Variants in CADPS2 observed in about 807,000 individuals in gnomAD.
CADPS2 encodes calcium-dependent secretion activator 2.
Under a neutral mutation model 172.5 loss-of-function variants are expected in CADPS2, and 93 were observed. That is an observed-to-expected ratio of 0.54 (90% CI 0.46 to 0.64). CADPS2 has a LOEUF of 0.64. Ranked by LOEUF, CADPS2 falls within the 30% of genes least tolerant of loss-of-function variation. The probability of loss-of-function intolerance (pLI) is 0.00; values close to 1 mark genes in which losing one functional copy is unlikely to be tolerated. For synonymous variants in CADPS2, 546 were observed against 555.2 expected, an observed-to-expected ratio of 0.98 and a Z score of 0.23; for missense variants, 1,420 against 1,565.9, an observed-to-expected ratio of 0.91 and a Z score of 1.57.
chr7:122,624,820 C>A (rs950616786), intron 4 of CADPS2, among the ~76,000 whole-genome samples: 2 of 152,150 alleles, frequency 1.3e-5, no homozygotes, highest in African/African-American at 4.8e-5. Context: ...CTGCTCCAAG[C>A]CCCTGGATAG....
chr7:122,673,806 T>C (rs1219097258), intron 2 of CADPS2, among the ~76,000 whole-genome samples: 1 of 151,496 alleles, frequency 6.6e-6, no homozygotes, highest in Non-Finnish European at 1.5e-5. Context: ...TCCCGCACCG[T>C]GCACTGGCAC....
chr7:122,546,919 T>C (rs180754902), intron 8 of CADPS2, among the ~76,000 whole-genome samples: 3 of 151,746 alleles, frequency 2.0e-5, no homozygotes, highest in Admixed American at 6.6e-5. Context: ...TATCTAAATG[T>C]GAAAAAAAAG....
intron 3 of CADPS2, among the ~76,000 whole-genome samples, chr7:122,635,373 C>T (rs922693738): frequency 6.6e-6 from 1 of 151,686 alleles, no homozygotes; most frequent in Non-Finnish European, 1.5e-5. Context: ...TGGTGTGCTG[C>T]ACCCATTAAC....
Position 122,453,293 on chromosome 7 carries a change from C to T in CADPS2, c.2187-1818G>A, listed in dbSNP as rs149632717. On this transcript the variant is annotated intron_variant, in intron 14 of 29. Coordinates refer to ENST00000449022, the MANE Select transcript of CADPS2 (RefSeq NM_017954.11). ...AACGCATAAATTACAAAGCAGTGCACCATGAGCTAATACTAATATTTTATA... is the reference window on the plus strand; with the variant it reads ...AACGCATAAATTACAAAGCAGTGCATCATGAGCTAATACTAATATTTTATA... 7.5e-3 allele frequency among the ~76,000 whole-genome samples: 1,141 copies of T among 152,194 alleles called. 8 individuals are homozygous for T. The highest frequency in any genetic ancestry group is 0.011 in the Non-Finnish European group (735 of 67,990).
intron 3 of CADPS2, among the ~76,000 whole-genome samples, chr7:122,640,789 C>T (rs2077552014): frequency 6.6e-6 from 1 of 152,000 alleles, no homozygotes; most frequent in Admixed American, 6.6e-5. Flanking sequence ...AAAAAATTAG[C>T]CGGACTTGGC....
intron 20 of CADPS2, 72 bp downstream of exon 20, chr7:122,407,467 TA>T: frequency 1.3e-6 from 2 of 1,486,148 alleles, no homozygotes; most frequent in Non-Finnish European, 1.8e-6. Flanking sequence ...GAGGGCACAG[TA>T]AAAATACATT....
In CADPS2 at chr7:122,667,651, A is replaced by T. The variant is rs998189154; in HGVS notation, c.454-4082T>A. On this transcript the variant is annotated intron_variant, in intron 2 of 29. Coordinates refer to ENST00000449022, the MANE Select transcript of CADPS2 (RefSeq NM_017954.11). ...AGGGCGACAGCAGCAATGGAAACCCACACAGAGGGAGAAAAGGCAAAAGAA... is the reference window on the plus strand; with the variant it reads ...AGGGCGACAGCAGCAATGGAAACCCTCACAGAGGGAGAAAAGGCAAAAGAA... Among the ~76,000 whole-genome samples the T allele has an allele frequency of 2.6e-5, 4 of 152,152 alleles. No homozygotes were observed. The East Asian group carries it at 7.7e-4, about 29-fold the overall frequency.
rs1422304936 is a variant in CADPS2 at position 122,699,087 on chromosome 7, C to T, written c.454-35518G>A. The T allele has an allele frequency of 5.2e-6, 3 of 574,694 alleles. No homozygotes were observed. The African/African-American group carries it at 5.7e-5, about 11-fold the overall frequency. The allele number at this position is 574,694 out of a possible 1,614,324, so 35.6% of individuals were successfully genotyped here. The stretch of plus-strand genomic sequence containing the variant: ...AAGATGGCTTATGAGTTTCAGATGT[C>T]TTACTAGAGAGAGGTGAAAAACTTT... On this transcript the variant is annotated intron_variant, in intron 2 of 29. Coordinates refer to ENST00000449022, the MANE Select transcript of CADPS2 (RefSeq NM_017954.11).
chr7:122,339,961 C>T (rs2036520982), intron 28 of CADPS2, among the ~76,000 whole-genome samples: 1 of 152,136 alleles, frequency 6.6e-6, no homozygotes, highest in Admixed American at 6.5e-5. Flanking sequence ...CATGTAAGTG[C>T]AAAATCAGTT....
At chr7:122,399,934 A>T (rs2045730275) in intron 20 of CADPS2, among the ~76,000 whole-genome samples, 1 of 148,654 alleles carries the variant, frequency 6.7e-6, no homozygotes, top group African/African-American at 2.5e-5. Context: ...TCCGCCTCCC[A>T]AAGTGCTGGG....
At chr7:122,663,701 A>G (rs1196535958) in intron 2 of CADPS2, 132 bp from the exon 3 acceptor site, 6 of 685,826 alleles carry the variant, frequency 8.7e-6, no homozygotes, top group Non-Finnish European at 1.4e-5. Context: ...AATGATTCAA[A>G]ATGTTTTATA....
At chr7:122,507,251 G>C (rs2059677167) in intron 9 of CADPS2, among the ~76,000 whole-genome samples, 1 of 152,098 alleles carries the variant, frequency 6.6e-6, no homozygotes, top group African/African-American at 2.4e-5. Flanking sequence ...AAATGGACAT[G>C]AAGGAATGAG....
chr7:122,678,463 C>T (rs2082610938), intron 2 of CADPS2, among the ~76,000 whole-genome samples: 2 of 152,150 alleles, frequency 1.3e-5, no homozygotes, highest in South Asian at 4.1e-4. Flanking sequence ...AAATTAATCT[C>T]TCAAAGGCTT....
At chr7:122,399,623 C>T (rs926290351) in intron 20 of CADPS2, among the ~76,000 whole-genome samples, 1 of 136,794 alleles carries the variant, frequency 7.3e-6, no homozygotes, top group African/African-American at 2.7e-5. Context: ...TTGAGTACAG[C>T]TATATCATGA....
Position 122,645,309 on chromosome 7 carries a change from A to ATG in CADPS2, c.787-15983_787-15982dup, listed in dbSNP as rs1242602402. Among the ~76,000 whole-genome samples, 72 of 123,922 alleles carry ATG rather than the reference A, an allele frequency of 5.8e-4. 3 individuals are homozygous for ATG. Among genetic ancestry groups the ATG allele is most frequent in the African/African-American group, 1.3e-3 (42 of 33,586 alleles). The allele number at this position is 123,922 out of a possible 152,430, so 81.3% of individuals were successfully genotyped here. On this transcript the variant is annotated intron_variant, in intron 3 of 29. Transcript: ENST00000449022. ...TATGTACATATATACACATATGTACATGTGTGTATACATGTACATATATAC... is the reference window on the plus strand; with the variant it reads ...TATGTACATATATACACATATGTACATGTGTGTGTATACATGTACATATATAC...
chr7:122,406,320 T>C (rs1308094378), intron 20 of CADPS2, among the ~76,000 whole-genome samples: 1 of 152,198 alleles, frequency 6.6e-6, no homozygotes, highest in Non-Finnish European at 1.5e-5. Flanking sequence ...CAGAAAGATA[T>C]AGCAGTGGCC....
intron 9 of CADPS2, among the ~76,000 whole-genome samples, chr7:122,504,532 T>C (rs1469131036): frequency 6.6e-6 from 1 of 152,104 alleles, no homozygotes; most frequent in Non-Finnish European, 1.5e-5. Flanking sequence ...TCACTTGGCT[T>C]TCCCCACCCC....
At chr7:122,670,397 C>T (rs2135536036) in intron 2 of CADPS2, among the ~76,000 whole-genome samples, 1 of 152,028 alleles carries the variant, frequency 6.6e-6, no homozygotes, top group Non-Finnish European at 1.5e-5. Context: ...GGGCAAAACC[C>T]TGTCTCTACA....
intron 14 of CADPS2, among the ~76,000 whole-genome samples, chr7:122,456,746 C>A (rs1162541667): frequency 6.6e-6 from 1 of 152,212 alleles, no homozygotes; most frequent in Non-Finnish European, 1.5e-5. Context: ...CACACATGTA[C>A]ATCCCCCTGC....
Sources: allele counts gnomAD v4.1 joint callset (sites outside exome capture counted in the v4.1 genomes callset), GRCh38; gene constraint gnomAD v4.1.1; transcripts MANE v1.5; gene names NCBI Gene and HGNC (gene_info 2026-07-23, HGNC 2026-07-21).